NKAIN3: variants seen among roughly 807,000 people sequenced by gnomAD.
NKAIN3 encodes sodium/potassium transporting ATPase interacting 3, also known as sodium/potassium-transporting ATPase subunit beta-1-interacting protein 3.
NKAIN3 carries 25 observed loss-of-function variants against 30.2 expected under a neutral mutation model. The observed-to-expected ratio is 0.83, with a 90% CI of 0.60 to 1.16. NKAIN3 has a LOEUF of 1.16. Ranked by LOEUF, NKAIN3 falls within the 50% of genes most tolerant of loss-of-function variation. The pLI is 0.00. For missense variants in NKAIN3, 225 were observed against 254.1 expected (o/e 0.89, Z 0.78); for synonymous variants, 91 against 89.6 (o/e 1.02, Z -0.09).
intron 5 of NKAIN3, among the ~76,000 whole-genome samples, chr8:62,929,303 C>A (rs970052898): frequency 6.6e-6 from 1 of 152,152 alleles, no homozygotes; most frequent in East Asian, 1.9e-4. Flanking sequence ...AGCAGGAGGG[C>A]TCTGTGAAAA....
chr8:62,290,567 G>C (rs878881732), intron 1 of NKAIN3, among the ~76,000 whole-genome samples: 1 of 152,180 alleles, frequency 6.6e-6, no homozygotes, highest in Non-Finnish European at 1.5e-5. Flanking sequence ...TGTTGAACCA[G>C]CCTTGCATCC....
intron 1 of NKAIN3, among the ~76,000 whole-genome samples, chr8:62,291,402 G>A (rs1813620020): frequency 6.6e-6 from 1 of 152,140 alleles, no homozygotes; most frequent in Admixed American, 6.6e-5. Context: ...TCTATAGACT[G>A]CTTTGAATGT....
In NKAIN3 at chr8:62,508,906, T is replaced by C. The variant is rs532017066; in HGVS notation, c.55-70633T>C. On this transcript the variant is annotated intron_variant, in intron 1 of 6. Coordinates refer to ENST00000623646, the MANE Select transcript of NKAIN3 (RefSeq NM_001304533.3). Reference sequence around the variant, plus strand: ...AACAAACATCCAGATGCACAACTCATGCTCCTCGCAATTCAACAGGTTTCT... The same window carrying C: ...AACAAACATCCAGATGCACAACTCACGCTCCTCGCAATTCAACAGGTTTCT... 1.7e-4 allele frequency among the ~76,000 whole-genome samples: 23 copies of C among 131,930 alleles called. No individual in the cohort carries two copies. The South Asian group carries it at 4.7e-3, about 27-fold the overall frequency. The allele number at this position is 131,930 out of a possible 152,430, so 86.6% of individuals were successfully genotyped here. A position where few individuals can be genotyped will look rare whatever the true frequency, so the allele number is the denominator to read the frequency against.
chr8:62,601,341 A>G (rs139193199), intron 3 of NKAIN3, among the ~76,000 whole-genome samples: 2 of 152,134 alleles, frequency 1.3e-5, no homozygotes, highest in African/African-American at 4.8e-5. Context: ...GAGGTAGGGT[A>G]CAGAATATCT....
chr8:62,435,023 G>T (rs1381686062), intron 1 of NKAIN3, among the ~76,000 whole-genome samples: 1 of 152,140 alleles, frequency 6.6e-6, no homozygotes, highest in South Asian at 2.1e-4. Flanking sequence ...TGGATGGAGG[G>T]ATGGAAGATC....
rs181581797 is a variant in NKAIN3 at position 62,710,989 on chromosome 8, A to G, written c.274-35943A>G. Among the ~76,000 whole-genome samples the G allele has an allele frequency of 2.7e-3, 416 of 152,160 alleles. 3 individuals carry two copies. The highest frequency in any genetic ancestry group is 9.1e-3 in the African/African-American group (379 of 41,512). ...TGAAAAGACTGTATCTTTCCTTCAT[A>G]TAGGATGCTTAGTTTTGCTGGATAA... is the stretch of plus-strand genomic sequence containing the variant. On this transcript the variant is annotated intron_variant, in intron 3 of 6. Transcript: ENST00000623646.
chr8:62,354,812 A>G (rs186938028), intron 1 of NKAIN3, among the ~76,000 whole-genome samples: 15 of 152,200 alleles, frequency 9.9e-5, no homozygotes, highest in Admixed American at 7.2e-4. Flanking sequence ...CTTAAGCCCC[A>G]TTTCCCACAG....
chr8:62,665,244 A>G (rs1383891004), intron 3 of NKAIN3, among the ~76,000 whole-genome samples: 1 of 152,118 alleles, frequency 6.6e-6, no homozygotes, highest in Non-Finnish European at 1.5e-5. Flanking sequence ...GTTTCTCTTT[A>G]ATGTTCTAAG....
intron 4 of NKAIN3, among the ~76,000 whole-genome samples, chr8:62,776,597 T>C (rs1168687278): frequency 2.0e-5 from 3 of 152,196 alleles, no homozygotes; most frequent in Non-Finnish European, 2.9e-5. Context: ...CTGTATACTT[T>C]AAGTTCTTGC....
intron 1 of NKAIN3, among the ~76,000 whole-genome samples, chr8:62,449,149 T>A (rs10504347): frequency 0.34 from 51,142 of 151,786 alleles, 9,702 homozygotes; most frequent in South Asian, 0.45. Flanking sequence ...TTCATTGAAG[T>A]GAAAAATAAC....
At chr8:62,553,935 C>T (rs1205590361) in intron 1 of NKAIN3, among the ~76,000 whole-genome samples, 2 of 152,170 alleles carry the variant, frequency 1.3e-5, no homozygotes, top group Admixed American at 6.5e-5. Flanking sequence ...TCTACTTTTA[C>T]TTGTTCCAAT....
At chr8:62,953,138 AACAC>A (rs139161457) in intron 5 of NKAIN3, among the ~76,000 whole-genome samples, 1 of 151,218 alleles carries the variant, frequency 6.6e-6, no homozygotes, top group Non-Finnish European at 1.5e-5. Context: ...TTTACACACA[AACAC>A]ACACACACAC....
At chr8:62,359,934 C>G (rs564236580) in intron 1 of NKAIN3, among the ~76,000 whole-genome samples, 1 of 152,140 alleles carries the variant, frequency 6.6e-6, no homozygotes, top group Non-Finnish European at 1.5e-5. Flanking sequence ...ATTACATAAA[C>G]GGTAAAAGAG....
At chr8:62,940,221 T>C (rs927858947) in intron 5 of NKAIN3, among the ~76,000 whole-genome samples, 2 of 149,956 alleles carry the variant, frequency 1.3e-5, no homozygotes, top group African/African-American at 4.9e-5. Flanking sequence ...AATATTACAA[T>C]CCTAAATATA....
At chr8:62,357,005 G>A (rs1391332343) in intron 1 of NKAIN3, among the ~76,000 whole-genome samples, 1 of 152,154 alleles carries the variant, frequency 6.6e-6, no homozygotes, top group Non-Finnish European at 1.5e-5. Flanking sequence ...AGGAGGCTGA[G>A]GTGGGAGAAT....
rs530170912 is a variant in NKAIN3 at position 62,805,961 on chromosome 8, A to G, written c.471+58832A>G. ...GAACTCAAACAAATTTACAAGGAAA[A>G]AACAAACAACCCCATCGAAAAGTGG... On this transcript the variant is annotated intron_variant, in intron 4 of 6. Transcript: ENST00000623646. Among the ~76,000 whole-genome samples the G allele has an allele frequency of 2.8e-3, 425 of 152,326 alleles. 1 individual carries two copies. Among genetic ancestry groups the G allele is most frequent in the African/African-American group, 9.9e-3 (412 of 41,580 alleles).
chr8:62,490,460 T>A (rs1332489616), intron 1 of NKAIN3, among the ~76,000 whole-genome samples: 1 of 152,174 alleles, frequency 6.6e-6, no homozygotes, highest in Non-Finnish European at 1.5e-5. Context: ...GGCTACCTTC[T>A]TTGTGAAGAA....
intron 4 of NKAIN3, among the ~76,000 whole-genome samples, chr8:62,892,304 T>A (rs1821318675): frequency 6.6e-6 from 1 of 152,190 alleles, no homozygotes; most frequent in South Asian, 2.1e-4. Flanking sequence ...AGGTTAACAT[T>A]TCAAATGACA....
At chr8:62,425,948 A>G (rs1351522133) in intron 1 of NKAIN3, among the ~76,000 whole-genome samples, 1 of 151,960 alleles carries the variant, frequency 6.6e-6, no homozygotes, top group Non-Finnish European at 1.5e-5. Context: ...TAATTTTATC[A>G]GATGTTAGGA....
Sources: allele counts gnomAD v4.1 joint callset (sites outside exome capture counted in the v4.1 genomes callset), GRCh38; gene constraint gnomAD v4.1.1; transcripts MANE v1.5; gene names NCBI Gene and HGNC (gene_info 2026-07-23, HGNC 2026-07-21).